The following TAMM41 variants were observed in gnomAD, a reference collection of about 807,000 sequenced individuals.
TAMM41 encodes phosphatidate cytidylyltransferase, mitochondrial.
In TAMM41, 36 loss-of-function variants were observed where a neutral mutation model predicts 44.1. The ratio of observed to expected loss-of-function variants is 0.82; its 90% CI spans 0.63 to 1.08. The LOEUF is 1.08. Ranked by LOEUF, TAMM41 falls within the 50% of genes least tolerant of loss-of-function variation. TAMM41 has a pLI of 0.00. For synonymous variants in TAMM41, 164 were observed against 153.1 expected (o/e 1.07, Z -0.53); for missense variants, 417 against 404.3 (o/e 1.03, Z -0.27).
chr3:11,815,801 G>A (rs1053999565), intron 5 of TAMM41, among the ~76,000 whole-genome samples: 8 of 152,050 alleles, frequency 5.3e-5, no homozygotes, highest in Non-Finnish European at 1.0e-4. Flanking sequence ...AATAATAGTC[G>A]AAGCATATTA....
chr3:11,843,986 T>A (rs779971972), intron 2 of TAMM41, 43 bp downstream of exon 2: 12 of 1,596,260 alleles, frequency 7.5e-6, no homozygotes, highest in Admixed American at 5.1e-5. Context: ...ATAACCCAGG[T>A]AAATAACCAG....
intron 2 of TAMM41, among the ~76,000 whole-genome samples, chr3:11,840,806 G>A (rs533209322): frequency 1.3e-5 from 2 of 152,032 alleles, no homozygotes; most frequent in Non-Finnish European, 2.9e-5. Context: ...AAAGCTCAGA[G>A]ACAACAAATG....
intron 5 of TAMM41, among the ~76,000 whole-genome samples, chr3:11,812,439 A>C (rs2078116879): frequency 1.3e-5 from 2 of 152,130 alleles, no homozygotes; most frequent in Non-Finnish European, 2.9e-5. Flanking sequence ...CTATATTCCC[A>C]ACTGGCAGAA....
the TAMM41 span, among the ~76,000 whole-genome samples, chr3:11,725,335 T>C: frequency 2.6e-5 from 2 of 77,808 alleles, no homozygotes; most frequent in East Asian, 6.9e-4. Context: ...CTCCTTTTTT[T>C]CTTCTCCTCC....
the TAMM41 span, among the ~76,000 whole-genome samples, chr3:11,756,865 C>CA: frequency 0.012 from 1,610 of 131,462 alleles, 28 homozygotes; most frequent in African/African-American, 0.03. Context: ...AATTCCGTCT[C>CA]AAAAAAAAAA....
At chr3:11,754,369 A>T in the TAMM41 span, among the ~76,000 whole-genome samples, 2 of 151,768 alleles carry the variant, frequency 1.3e-5, no homozygotes, top group Non-Finnish European at 2.9e-5. Flanking sequence ...CTTTTTAAAA[A>T]TTTTTTCTTC....
chr3:11,820,386 T>A (rs7614117), intron 4 of TAMM41, among the ~76,000 whole-genome samples: 18,193 of 152,172 alleles, frequency 0.12, 2,274 homozygotes, highest in East Asian at 0.48. Context: ...CATTTTAAAA[T>A]ATCAAGGATT....
intron 7 of TAMM41, among the ~76,000 whole-genome samples, chr3:11,798,619 C>T (rs1344922061): frequency 4.6e-5 from 7 of 151,960 alleles, no homozygotes; most frequent in Non-Finnish European, 1.0e-4. Flanking sequence ...AGTTTACCTG[C>T]ATAACAAACT....
At chr3:11,766,355 C>T in the TAMM41 span, among the ~76,000 whole-genome samples, 4 of 151,538 alleles carry the variant, frequency 2.6e-5, no homozygotes, top group Non-Finnish European at 4.4e-5. Context: ...TTTGTAGAGA[C>T]GGGGGTCTTG....
the TAMM41 span, among the ~76,000 whole-genome samples, chr3:11,727,258 C>G: frequency 1.3e-5 from 2 of 152,158 alleles, no homozygotes; most frequent in Admixed American, 6.5e-5. Flanking sequence ...CCCTGGTGGT[C>G]CAATTCCGGA....
chr3:11,836,086 G>A (rs1272184314), intron 3 of TAMM41, among the ~76,000 whole-genome samples: 1 of 150,144 alleles, frequency 6.7e-6, no homozygotes, highest in African/African-American at 2.5e-5. Flanking sequence ...TGCCTCCCAA[G>A]TTCCAGCGAT....
At chr3:11,755,377 C>T in the TAMM41 span, among the ~76,000 whole-genome samples, 20 of 152,018 alleles carry the variant, frequency 1.3e-4, no homozygotes, top group African/African-American at 2.9e-4. Context: ...GGAAGGAATG[C>T]GGAAGGACTA....
the TAMM41 span, among the ~76,000 whole-genome samples, chr3:11,744,778 A>G: frequency 1.5e-3 from 226 of 152,250 alleles, no homozygotes; most frequent in African/African-American, 5.2e-3. Flanking sequence ...TGTAATCCCA[A>G]CACTTCAGGA....
chr3:11,731,250 T>C, the TAMM41 span, among the ~76,000 whole-genome samples: 3 of 152,224 alleles, frequency 2.0e-5, no homozygotes, highest in African/African-American at 7.2e-5. Context: ...AATCAGATCT[T>C]GTTTAGACTA....
downstream of TAMM41, among the ~76,000 whole-genome samples, chr3:11,786,309 TATTATTA>T (rs2077417669): frequency 2.7e-5 from 4 of 147,580 alleles, no homozygotes; most frequent in African/African-American, 2.5e-5. Context: ...TTATTATTAT[TATTATTA>T]TTTTTTGAGA....
chr3:11,834,870 T>C (rs568942745), intron 3 of TAMM41, among the ~76,000 whole-genome samples: 17 of 152,120 alleles, frequency 1.1e-4, no homozygotes, highest in Non-Finnish European at 2.1e-4. Context: ...CATTTTTTAG[T>C]AGAGACGGGG....
At position 11,846,647 on chromosome 3, in the gene TAMM41, C is replaced by T; in HGVS notation, c.-11G>A. The T allele has an allele frequency of 1.2e-6, 2 of 1,614,128 alleles. No individual in the cohort carries two copies. Among genetic ancestry groups the T allele is most frequent in the Non-Finnish European group, 1.7e-6 (2 of 1,180,016 alleles). Reference sequence around the variant, plus strand: ...CGTCTGCAGCGCCATGGGGTCGAGGCTAACAGGGGACACTCAGCGCAGCAG... The same window carrying T: ...CGTCTGCAGCGCCATGGGGTCGAGGTTAACAGGGGACACTCAGCGCAGCAG... On this transcript the variant is annotated 5_prime_UTR_variant, in exon 1 of 8. Transcript: ENST00000455809.
the TAMM41 span, among the ~76,000 whole-genome samples, chr3:11,753,293 G>T: frequency 6.6e-6 from 1 of 151,982 alleles, no homozygotes; most frequent in Admixed American, 6.6e-5. Context: ...AAAATAGTGG[G>T]GCATAGTGGT....
At chr3:11,774,843 A>G in the TAMM41 span, among the ~76,000 whole-genome samples, 4 of 149,726 alleles carry the variant, frequency 2.7e-5, no homozygotes, top group East Asian at 5.9e-4. Flanking sequence ...CCAAATCCTC[A>G]TCTCCTAATA....
Sources: allele counts gnomAD v4.1 joint callset (sites outside exome capture counted in the v4.1 genomes callset), GRCh38; gene constraint gnomAD v4.1.1; transcripts MANE v1.5; gene names NCBI Gene and HGNC (gene_info 2026-07-23, HGNC 2026-07-21).